The following CA12 variants were observed in gnomAD, a reference collection of about 807,000 sequenced individuals.
CA12 encodes carbonic anhydrase 12, also known as carbonate dehydratase XII.
A neutral mutation model predicts 46.8 loss-of-function variants in CA12; 36 were observed. The observed-to-expected ratio is 0.77, with a 90% CI of 0.59 to 1.02. CA12 has a LOEUF of 1.02. Ranked by LOEUF, CA12 falls within the 50% of genes least tolerant of loss-of-function variation. The probability of loss-of-function intolerance (pLI) is 0.00; values close to 1 mark genes in which losing one functional copy is unlikely to be tolerated. For synonymous variants in CA12, 202 were observed against 187.0 expected (o/e 1.08, Z -0.65); for missense variants, 436 against 451.4 (o/e 0.97, Z 0.31).
At chr15:63,335,002 C>T (rs2152612803) in intron 8 of CA12, among the ~76,000 whole-genome samples, 1 of 152,306 alleles carries the variant, frequency 6.6e-6, no homozygotes, top group Non-Finnish European at 1.5e-5. Flanking sequence ...CTCCAGACTC[C>T]TATGACATCA....
At chr15:63,351,061 AAC>A (rs1428486245) in intron 2 of CA12, among the ~76,000 whole-genome samples, 1 of 152,242 alleles carries the variant, frequency 6.6e-6, no homozygotes, top group Non-Finnish European at 1.5e-5. Flanking sequence ...ATAAATTTTT[AAC>A]AGTTTGTAAA....
intron 2 of CA12, among the ~76,000 whole-genome samples, chr15:63,351,896 AC>A (rs1490909360): frequency 2.0e-5 from 3 of 152,234 alleles, no homozygotes; most frequent in African/African-American, 7.2e-5. Flanking sequence ...GAAGACCAGA[AC>A]TTTATGTCAT....
chr15:63,353,708 C>T (rs914770611), intron 2 of CA12, among the ~76,000 whole-genome samples: 4 of 151,902 alleles, frequency 2.6e-5, no homozygotes, highest in African/African-American at 9.7e-5. Flanking sequence ...ATGGTGTCTG[C>T]ATGTAAAAGC....
chr15:63,375,612 T>C (rs1279137200), intron 2 of CA12, 46 bp downstream of exon 2: 17 of 1,264,160 alleles, frequency 1.3e-5, no homozygotes, highest in Non-Finnish European at 1.9e-5. Flanking sequence ...AATACAACCA[T>C]TTCTATTTTC....
chr15:63,355,002 G>A lies in CA12; in HGVS notation c.107-8293C>T, dbSNP rs2039277138. On this transcript the variant is annotated intron_variant, in intron 2 of 10. Transcript: ENST00000178638. This position sits in a 1 kb window ranked among gnomAD's most constrained non-coding sequence, Gnocchi z 4.1. ...GAGATGAGGTTTATTACAGGGAGGC[G>A]GGTGGGGTTTCCAGGCTGCCAAAGG... Among the ~76,000 whole-genome samples the A allele has an allele frequency of 6.6e-6, 1 of 152,148 alleles. No homozygotes were observed.
At chr15:63,361,466 G>A (rs191174540) in intron 2 of CA12, among the ~76,000 whole-genome samples, 1 of 152,132 alleles carries the variant, frequency 6.6e-6, no homozygotes, top group African/African-American at 2.4e-5. Context: ...TCACAACTTG[G>A]GGGGGTGCTA....
At chr15:63,371,698 T>A (rs1401629456) in intron 2 of CA12, among the ~76,000 whole-genome samples, 1 of 152,144 alleles carries the variant, frequency 6.6e-6, no homozygotes. Flanking sequence ...CCAGCTCACA[T>A]CCAAGAAGCA....
At chr15:63,363,147 T>C (rs1018767942) in intron 2 of CA12, among the ~76,000 whole-genome samples, 1 of 152,228 alleles carries the variant, frequency 6.6e-6, no homozygotes, top group Non-Finnish European at 1.5e-5. Flanking sequence ...CTTTCTTTTT[T>C]TCTTAGGGGC....
chr15:63,341,377 C>T lies in CA12; in HGVS notation c.526-594G>A, dbSNP rs1046486304. Among the ~76,000 whole-genome samples, 1 of 152,234 alleles carries T rather than the reference C, an allele frequency of 6.6e-6. No individual in the cohort carries two copies. Among genetic ancestry groups the T allele is most frequent in the African/African-American group, 2.4e-5 (1 of 41,464 alleles). On this transcript the variant is annotated intron_variant, in intron 5 of 10. Coordinates refer to ENST00000178638, the MANE Select transcript of CA12 (RefSeq NM_001218.5). This position sits in a 1 kb window ranked among gnomAD's most constrained non-coding sequence, Gnocchi z 5.2. Reference sequence around the variant, plus strand: ...AAGCATTACAGCCTGAGCTCCGCCCCCTGTCAAATCAGCAGAGGCCTCCCA... The same window carrying T: ...AAGCATTACAGCCTGAGCTCCGCCCTCTGTCAAATCAGCAGAGGCCTCCCA...
At chr15:63,358,705 A>C (rs1392072748) in intron 2 of CA12, among the ~76,000 whole-genome samples, 1 of 152,160 alleles carries the variant, frequency 6.6e-6, no homozygotes, top group Non-Finnish European at 1.5e-5. Context: ...TGAGCTGTGG[A>C]CATCCAATGT....
chr15:63,334,958 TA>T (rs2038981922), intron 8 of CA12, among the ~76,000 whole-genome samples: 1 of 152,178 alleles, frequency 6.6e-6, no homozygotes, highest in Admixed American at 6.5e-5. Flanking sequence ...GTTCATGCCA[TA>T]AAACAATGAA....
Position 63,326,312 on chromosome 15 carries a change from G to A in CA12, c.1038C>T (p.Thr346=). ...AAGCGTGGGCCTCAGTCTCCATCTTGGTGGCTGGCTTGTAAATGACTCCCT... is the reference window on the plus strand; with the variant it reads ...AAGCGTGGGCCTCAGTCTCCATCTTAGTGGCTGGCTTGTAAATGACTCCCT... ...DNKGVIYKPA[T]KMETEAHA The change falls in exon 11 of 11, where the codon ACC becomes ACT. Residue 346 remains threonine, a synonymous_variant. Transcript: ENST00000178638. The A allele has an allele frequency of 6.2e-7, 1 of 1,614,080 alleles. No individual in the cohort carries two copies. Among genetic ancestry groups the A allele is most frequent in the Non-Finnish European group, 8.5e-7 (1 of 1,179,964 alleles).
intron 1 of CA12, among the ~76,000 whole-genome samples, chr15:63,376,574 C>CTTTCTTTCTTTCTTTCTT (rs2039577521): frequency 8.8e-6 from 1 of 114,220 alleles, no homozygotes; most frequent in Non-Finnish European, 1.9e-5. Flanking sequence ...TTCTTTCTTT[C>CTTTCTTTCTTTCTTTCTT]TTTCTTTCTT....
In CA12 at chr15:63,364,977, C is replaced by A. The variant is rs1595789971; in HGVS notation, c.106+10681G>T. ...TTGTTTGTTTGTGTTGCGACAGGGTCTCTCTCTGTTGCTGGGGCTGAGTGC... is the reference window on the plus strand; with the variant it reads ...TTGTTTGTTTGTGTTGCGACAGGGTATCTCTCTGTTGCTGGGGCTGAGTGC... On this transcript the variant is annotated intron_variant, in intron 2 of 10. Coordinates refer to ENST00000178638, the MANE Select transcript of CA12 (RefSeq NM_001218.5). Among the ~76,000 whole-genome samples the A allele has an allele frequency of 2.6e-5, 4 of 152,342 alleles. No homozygotes were observed. In the South Asian group the frequency reaches 8.3e-4, roughly 32 times the overall value.
At chr15:63,369,050 A>T (rs949373120) in intron 2 of CA12, among the ~76,000 whole-genome samples, 1 of 152,242 alleles carries the variant, frequency 6.6e-6, no homozygotes, top group African/African-American at 2.4e-5. Flanking sequence ...CCAGGAAAGC[A>T]CCAGGGAGAT....
chr15:63,361,005 C>T (rs912457451), intron 2 of CA12, among the ~76,000 whole-genome samples: 5 of 152,160 alleles, frequency 3.3e-5, no homozygotes, highest in Non-Finnish European at 7.3e-5. Context: ...CAGTTTCTTC[C>T]TGACACTTGA....
rs748589567 is a variant in CA12, at chr15:63,374,329, T to C, written c.106+1329A>G. ...CTCCCCACTCACCGAATCCTCCTTA[T>C]CTTCCAAGGCCCAGGTGAAAGCCCT... On this transcript the variant is annotated intron_variant, in intron 2 of 10. Transcript: ENST00000178638. The surrounding 1 kb of genome is among the most constrained non-coding windows in gnomAD (Gnocchi z 4.4). Among the ~76,000 whole-genome samples the C allele has an allele frequency of 1.3e-5, 2 of 152,272 alleles. No individual in the cohort carries two copies. The highest frequency in any genetic ancestry group is 2.9e-5 in the Non-Finnish European group (2 of 68,004).
In CA12 at chr15:63,345,989, T is replaced by C. The variant is rs1402248581; in HGVS notation, c.287-370A>G. Among the ~76,000 whole-genome samples, 1 of 152,240 alleles carries C rather than the reference T, an allele frequency of 6.6e-6. No individual in the cohort carries two copies. The highest frequency in any genetic ancestry group is 2.4e-5 in the African/African-American group (1 of 41,462). On this transcript the variant is annotated intron_variant, in intron 3 of 10. Transcript: ENST00000178638. The surrounding 1 kb of genome is among the most constrained non-coding windows in gnomAD (Gnocchi z 4.3). ...TAGAATTATATAGCAACAGCAACGA[T>C]AACTGCTATTTATGAAGCATTTACT...
chr15:63,356,528 T>C (rs1413735944), intron 2 of CA12, among the ~76,000 whole-genome samples: 1 of 142,714 alleles, frequency 7.0e-6, no homozygotes, highest in Non-Finnish European at 1.5e-5. Flanking sequence ...CCAGCAATTC[T>C]TTTTTTTTTT....
Sources: gnomAD v4.1 joint callset for allele counts (sites outside exome capture counted in the v4.1 genomes callset) on GRCh38, gnomAD v4.1.1 for gene constraint, Gnocchi (gnomAD v3.1) non-coding constraint, MANE v1.5 for transcripts, NCBI Gene and HGNC (gene_info 2026-07-23, HGNC 2026-07-21) for gene names.